Variants in LMBRD1 observed in about 807,000 individuals in gnomAD.
The protein encoded by LMBRD1 is lysosomal cobalamin transport escort protein LMBD1.
LMBRD1 carries 64 observed loss-of-function variants against 74.8 expected under a neutral mutation model. That is an observed-to-expected ratio of 0.86 (90% CI 0.70 to 1.05). The LOEUF (loss-of-function observed/expected upper bound fraction) is 1.05. LMBRD1 is among the 50% of genes least tolerant of loss of function. The pLI is 0.00. For missense variants in LMBRD1, 652 were observed against 645.9 expected, an observed-to-expected ratio of 1.01 and a Z score of -0.10; for synonymous variants, 204 against 216.3, an observed-to-expected ratio of 0.94 and a Z score of 0.50.
chr6:69,716,502 ACT>A (rs1349564377), intron 8 of LMBRD1, among the ~76,000 whole-genome samples: 1 of 151,866 alleles, frequency 6.6e-6, no homozygotes, highest in Non-Finnish European at 1.5e-5. Flanking sequence ...CTTCTGAATA[ACT>A]CTTTGAGGCT....
At chr6:69,698,365 G>T (rs1398034222) in intron 13 of LMBRD1, among the ~76,000 whole-genome samples, 2 of 151,962 alleles carry the variant, frequency 1.3e-5, no homozygotes, top group East Asian at 3.9e-4. Context: ...AATCATGAAA[G>T]ACTCCACTAA....
At chr6:69,789,339 A>G (rs1178150011) in intron 2 of LMBRD1, among the ~76,000 whole-genome samples, 2 of 152,180 alleles carry the variant, frequency 1.3e-5, no homozygotes, top group Admixed American at 1.3e-4. Flanking sequence ...CCTGGCCAAC[A>G]TGGCAAAACC....
At chr6:69,732,893 T>C (rs998503792) in intron 7 of LMBRD1, among the ~76,000 whole-genome samples, 4 of 152,186 alleles carry the variant, frequency 2.6e-5, no homozygotes, top group African/African-American at 9.6e-5. Flanking sequence ...TGTTAAGTTT[T>C]ACTTTTTTAA....
chr6:69,703,988 T>A lies in LMBRD1; in HGVS notation c.916-2035A>T, dbSNP rs537871885. On this transcript the variant is annotated intron_variant, in intron 9 of 15. Coordinates refer to ENST00000649934, the MANE Select transcript of LMBRD1 (RefSeq NM_018368.4). ...TCAATTTGGATTGCCTATTTTCTCA[T>A]GATTATATTTAGATTATGCTTTTTT... Among the ~76,000 whole-genome samples the A allele has an allele frequency of 1.3e-4, 20 of 152,222 alleles. No homozygotes were observed. The South Asian group carries it at 3.1e-3, about 24-fold the overall frequency.
intron 13 of LMBRD1, among the ~76,000 whole-genome samples, chr6:69,698,131 G>C (rs1239497915): frequency 6.6e-6 from 1 of 151,862 alleles, no homozygotes; most frequent in Non-Finnish European, 1.5e-5. Flanking sequence ...CCCAAACTCA[G>C]GTCATTCATG....
Position 69,768,459 on chromosome 6 carries a change from T to TA in LMBRD1, c.307+12034_307+12035insT, listed in dbSNP as rs1039881180. On this transcript the variant is annotated intron_variant, in intron 3 of 15. Coordinates refer to ENST00000649934, the MANE Select transcript of LMBRD1 (RefSeq NM_018368.4). ...TCACACAATACAGGCAAAATATATA[T>TA]TTTTTAAAAACTTGCTCCAAAATAG... Among the ~76,000 whole-genome samples, 644 of 122,570 alleles carry TA rather than the reference T, an allele frequency of 5.3e-3. 6 individuals are homozygous for TA. Among genetic ancestry groups the TA allele is most frequent in the African/African-American group, 0.035 (607 of 17,288 alleles). The allele number at this position is 122,570 out of a possible 152,430, so 80.4% of individuals were successfully genotyped here.
chr6:69,703,156 A>C (rs1244865265), intron 9 of LMBRD1, among the ~76,000 whole-genome samples: 2 of 152,034 alleles, frequency 1.3e-5, no homozygotes, highest in Non-Finnish European at 2.9e-5. Flanking sequence ...AAAGGGTTTC[A>C]TTGCAAAAGA....
intron 9 of LMBRD1, chr6:69,706,103 CAAAT>C: frequency 1.6e-6 from 1 of 641,116 alleles, no homozygotes; most frequent in Non-Finnish European, 2.9e-6. Context: ...AGTTCACAAC[CAAAT>C]AGATAGTTCC....
chr6:69,741,399 T>A (rs918142750), intron 6 of LMBRD1, among the ~76,000 whole-genome samples: 1 of 151,696 alleles, frequency 6.6e-6, no homozygotes, highest in African/African-American at 2.4e-5. Flanking sequence ...TTTTTTGAGA[T>A]GGAGTCTCGC....
intron 9 of LMBRD1, among the ~76,000 whole-genome samples, chr6:69,710,477 CAT>C (rs754817045): frequency 6.6e-6 from 1 of 152,006 alleles, no homozygotes; most frequent in Non-Finnish European, 1.5e-5. Context: ...CAAAAATAGA[CAT>C]ATAAATTAAT....
intron 14 of LMBRD1, among the ~76,000 whole-genome samples, chr6:69,679,835 A>T (rs1175671298): frequency 6.6e-6 from 1 of 152,144 alleles, no homozygotes; most frequent in Non-Finnish European, 1.5e-5. Flanking sequence ...TATAAAGATC[A>T]TATGACATAT....
At chr6:69,742,788 C>G (rs1381221114) in intron 5 of LMBRD1, among the ~76,000 whole-genome samples, 1 of 152,012 alleles carries the variant, frequency 6.6e-6, no homozygotes, top group Non-Finnish European at 1.5e-5. Flanking sequence ...AAAGTAATTA[C>G]TCTAAAATTT....
At chr6:69,778,243 T>C (rs1469272977) in intron 3 of LMBRD1, among the ~76,000 whole-genome samples, 1 of 152,232 alleles carries the variant, frequency 6.6e-6, no homozygotes, top group Non-Finnish European at 1.5e-5. Context: ...TCACTATAAA[T>C]TAAGTTCTAT....
At chr6:69,779,845 T>C (rs1336090978) in intron 3 of LMBRD1, among the ~76,000 whole-genome samples, 1 of 152,162 alleles carries the variant, frequency 6.6e-6, no homozygotes, top group Non-Finnish European at 1.5e-5. Flanking sequence ...ATTGTAGGAG[T>C]TATTAAGAAA....
rs773844453 is a variant in LMBRD1 at position 69,790,442 on chromosome 6, G to A, written c.100C>T (p.Arg34Cys). The change falls in exon 2 of 16, where the codon CGT (arginine) becomes TGT (cysteine). Residue 34 changes from arginine to cysteine, a missense_variant. Arg to Cys is a radical substitution (Grantham distance 180, BLOSUM62 -3). Coordinates refer to ENST00000649934, the MANE Select transcript of LMBRD1 (RefSeq NM_018368.4). Reference sequence around the variant, plus strand: ...CTTTCCCGCCGACTTTGGTATTTACGAACATATATCCAGCAGAATGCCAAA... The same window carrying A: ...CTTTCCCGCCGACTTTGGTATTTACAAACATATATCCAGCAGAATGCCAAA... Reference protein sequence around the residue: ...AILAFCWIYVRKYQSRRESEV... With the variant: ...AILAFCWIYVCKYQSRRESEV... 26 of 1,613,818 alleles carry A rather than the reference G, an allele frequency of 1.6e-5. No homozygotes were observed. Among genetic ancestry groups the A allele is most frequent in the South Asian group, 5.5e-5 (5 of 91,076 alleles).
In LMBRD1 at chr6:69,676,513, T is replaced by C. The variant is rs1014898369; in HGVS notation, c.1446A>G (p.Leu482=). The C allele has an allele frequency of 1.2e-6, 2 of 1,613,382 alleles. No individual in the cohort carries two copies. Among genetic ancestry groups the C allele is most frequent in the Non-Finnish European group, 1.7e-6 (2 of 1,179,520 alleles). Residue 482 remains leucine, a synonymous_variant, in exon 15 of 16, where the codon CTA becomes CTG. Transcript: ENST00000649934. ...TGAAGAACCAGAACTTGTGAAGGAA[T>C]AGGTATGTCCGGGTAACAGTACACT... ...EDQCTVTRTY[L]FLHKFWFFSA...
intron 6 of LMBRD1, among the ~76,000 whole-genome samples, chr6:69,740,557 G>A (rs1421995713): frequency 6.6e-6 from 1 of 152,092 alleles, no homozygotes; most frequent in South Asian, 2.1e-4. Flanking sequence ...ATTCTTGCTG[G>A]TATCAGCAAG....
At chr6:69,681,189 G>C (rs1282982299) in intron 14 of LMBRD1, among the ~76,000 whole-genome samples, 1 of 151,922 alleles carries the variant, frequency 6.6e-6, no homozygotes, top group Non-Finnish European at 1.5e-5. Flanking sequence ...TGATGAGAAA[G>C]TGGCCATACA....
chr6:69,758,355 C>T (rs534853428), intron 3 of LMBRD1, among the ~76,000 whole-genome samples: 3 of 152,198 alleles, frequency 2.0e-5, no homozygotes, highest in South Asian at 2.1e-4. Context: ...TAAAAGCCTT[C>T]TAAAATTATC....
Sources: gnomAD v4.1 joint callset for allele counts (sites outside exome capture counted in the v4.1 genomes callset) on GRCh38, gnomAD v4.1.1 for gene constraint, MANE v1.5 for transcripts, NCBI Gene and HGNC (gene_info 2026-07-23, HGNC 2026-07-21) for gene names.